MTFR1: variants seen among roughly 807,000 people sequenced by gnomAD.
MTFR1 encodes the protein chondrocyte protein with a poly-proline region.
MTFR1 carries 28 observed loss-of-function variants against 38.8 expected under a neutral mutation model. The observed-to-expected ratio is 0.72, with a 90% CI of 0.53 to 0.99. MTFR1 has a LOEUF of 0.99. MTFR1 is among the 50% of genes least tolerant of loss of function. The probability of loss-of-function intolerance (pLI) is 0.00; values close to 1 mark genes in which losing one functional copy is unlikely to be tolerated. For missense variants in MTFR1, 358 were observed against 395.5 expected (o/e 0.91, Z 0.81); for synonymous variants, 145 against 137.0 (o/e 1.06, Z -0.41).
At chr8:65,693,884 G>T in intron 4 of MTFR1, 125 bp downstream of exon 4, 2 of 713,794 alleles carry the variant, frequency 2.8e-6, no homozygotes, top group Non-Finnish European at 4.7e-6. Flanking sequence ...TCTTTTTCTT[G>T]AACAGTCTTC....
At chr8:65,741,444 CAAA>C (rs1807432101) in intron 3 of MTFR1, among the ~76,000 whole-genome samples, 1 of 152,114 alleles carries the variant, frequency 6.6e-6, no homozygotes, top group Non-Finnish European at 1.5e-5. Context: ...CAACTGCCAA[CAAA>C]AGACCACAGC....
intron 2 of MTFR1, among the ~76,000 whole-genome samples, chr8:65,671,289 T>G (rs1470047509): frequency 6.6e-6 from 1 of 152,168 alleles, no homozygotes; most frequent in East Asian, 1.9e-4. Flanking sequence ...TCCCAGCACT[T>G]TGGGAGACAG....
intron 3 of MTFR1, among the ~76,000 whole-genome samples, chr8:65,730,249 C>T (rs1169781161): frequency 1.5e-5 from 2 of 135,378 alleles, no homozygotes; most frequent in East Asian, 5.1e-4. Context: ...GGCGCAATCA[C>T]GGCTCACCGA....
At chr8:65,697,187 G>T (rs566502555) in intron 4 of MTFR1, among the ~76,000 whole-genome samples, 1 of 151,970 alleles carries the variant, frequency 6.6e-6, no homozygotes, top group South Asian at 2.1e-4. Flanking sequence ...GTTTCACCAT[G>T]TTGGCCAGGC....
downstream of MTFR1, among the ~76,000 whole-genome samples, chr8:65,775,254 T>C (rs1249034278): frequency 1.3e-5 from 2 of 152,230 alleles, no homozygotes; most frequent in Non-Finnish European, 2.9e-5. Flanking sequence ...TCTACTTTTA[T>C]TTTAGTTTAC....
intron 4 of MTFR1, among the ~76,000 whole-genome samples, chr8:65,699,808 A>T (rs1176795055): frequency 1.3e-5 from 2 of 152,156 alleles, no homozygotes; most frequent in African/African-American, 2.4e-5. Flanking sequence ...ATAGAAACAA[A>T]TTCTATTTAA....
chr8:65,714,126 T>TA (rs1806038603), downstream of MTFR1, among the ~76,000 whole-genome samples: 1 of 151,540 alleles, frequency 6.6e-6, no homozygotes. Context: ...ATGTTGCACT[T>TA]ATTATTCTGT....
At chr8:65,737,852 T>C (rs1563478828) in intron 3 of MTFR1, among the ~76,000 whole-genome samples, 1 of 152,198 alleles carries the variant, frequency 6.6e-6, no homozygotes, top group East Asian at 1.9e-4. Context: ...ACCAGCAACA[T>C]CTTAACTTAT....
At chr8:65,727,417 C>G in intron 3 of MTFR1, 2 of 1,436,022 alleles carry the variant, frequency 1.4e-6, no homozygotes, top group Non-Finnish European at 1.9e-6. Context: ...TCCCCCTTCA[C>G]GTCATTCCTC....
chr8:65,730,371 G>A (rs538583041), intron 3 of MTFR1, among the ~76,000 whole-genome samples: 1 of 150,940 alleles, frequency 6.6e-6, no homozygotes, highest in East Asian at 2.0e-4. Flanking sequence ...GTAGAGACAG[G>A]GTTTCTCCAT....
chr8:65,703,483 G>C (rs1340787468), intron 4 of MTFR1, among the ~76,000 whole-genome samples: 1 of 125,846 alleles, frequency 7.9e-6, no homozygotes, highest in Non-Finnish European at 1.6e-5. Context: ...ATCCAAGCTG[G>C]AGTGCAGTGG....
At chr8:65,728,363 C>A (rs1277748535) in intron 3 of MTFR1, 2 of 152,098 alleles carry the variant, frequency 1.3e-5, no homozygotes, top group African/African-American at 4.8e-5. Context: ...TCTGCTAGAA[C>A]GAATCAATCA....
chr8:65,678,145 A>G (rs1804771618), intron 2 of MTFR1, among the ~76,000 whole-genome samples: 1 of 152,146 alleles, frequency 6.6e-6, no homozygotes, highest in South Asian at 2.1e-4. Context: ...AAACTAGCAT[A>G]CTGACAAGAC....
At chr8:65,774,286 A>T (rs1425479492), downstream of MTFR1, among the ~76,000 whole-genome samples, 1 of 151,228 alleles carries the variant, frequency 6.6e-6, no homozygotes, top group African/African-American at 2.5e-5. Flanking sequence ...ATATTTTTAA[A>T]AGATTTTTTG....
At chr8:65,645,035 G>T (rs755416772) in intron 1 of MTFR1, among the ~76,000 whole-genome samples, 1 of 152,328 alleles carries the variant, frequency 6.6e-6, no homozygotes, top group African/African-American at 2.4e-5. Context: ...CGGCTGACTT[G>T]CCCTGAAGGC....
intron 3 of MTFR1, among the ~76,000 whole-genome samples, chr8:65,687,997 G>A (rs1039044559): frequency 6.6e-6 from 1 of 151,642 alleles, no homozygotes; most frequent in African/African-American, 2.4e-5. Context: ...CTACTCGGGA[G>A]ACTGAGGCAG....
At chr8:65,745,884 T>C (rs982923442) in intron 3 of MTFR1, among the ~76,000 whole-genome samples, 1 of 151,862 alleles carries the variant, frequency 6.6e-6, no homozygotes, top group African/African-American at 2.4e-5. Context: ...CTGTTATAAG[T>C]TACTCACTCT....
chr8:65,682,632 G>A (rs1014654553), intron 3 of MTFR1, 181 bp downstream of exon 3: 25 of 552,024 alleles, frequency 4.5e-5, no homozygotes, highest in Non-Finnish European at 5.5e-5. Context: ...TCTCTGTGAC[G>A]TGATTGAGAT....
chr8:65,724,765 G>GC (rs754385671), intron 3 of MTFR1: 1 of 1,592,782 alleles, frequency 6.3e-7, no homozygotes, highest in East Asian at 2.2e-5. Flanking sequence ...ATGTTTCCAA[G>GC]CCCCATTTTA....
Sources: gnomAD v4.1 joint callset for allele counts (sites outside exome capture counted in the v4.1 genomes callset) on GRCh38, gnomAD v4.1.1 for gene constraint, MANE v1.5 for transcripts, NCBI Gene and HGNC (gene_info 2026-07-23, HGNC 2026-07-21) for gene names.